The following ZNF469 variants were observed in gnomAD, a reference collection of about 807,000 sequenced individuals.
ZNF469 encodes zinc finger protein 469.
In ZNF469, 1 loss-of-function variant was observed where a neutral mutation model predicts 1.0. That is an observed-to-expected ratio of 1.00 (90% CI 0.35 to 4.73). ZNF469 has a LOEUF of 4.73. Ranked by LOEUF, ZNF469 falls within the 30% of genes most tolerant of loss-of-function variation. ZNF469 has a pLI of 0.16. For synonymous variants in ZNF469, 2,703 were observed against 2,363.4 expected (o/e 1.14, Z -4.17); for missense variants, 6,100 against 5,356.3 (o/e 1.14, Z -4.33).
the ZNF469 span, among the ~76,000 whole-genome samples, chr16:88,366,899 A>G: frequency 6.6e-6 from 1 of 152,136 alleles, no homozygotes; most frequent in Non-Finnish European, 1.5e-5. Flanking sequence ...CGTCATCATC[A>G]CCAAGACCAT....
At chr16:88,301,097 G>T in the ZNF469 span, among the ~76,000 whole-genome samples, 5 of 152,026 alleles carry the variant, frequency 3.3e-5, no homozygotes, top group African/African-American at 1.2e-4. Context: ...AACTAAAGCC[G>T]TTGGGAGCGT....
At chr16:88,416,306 C>T (rs756498003) in intron 1 of ZNF469, among the ~76,000 whole-genome samples, 39 of 152,286 alleles carry the variant, frequency 2.6e-4, no homozygotes, top group Non-Finnish European at 4.4e-4. Context: ...GGCCACTTGA[C>T]GGCACAGGGG....
chr16:88,439,648 G>A lies in ZNF469; in HGVS notation c.*316G>A. On this transcript the variant is annotated 3_prime_UTR_variant, in exon 3 of 3. Coordinates refer to ENST00000565624, the MANE Select transcript of ZNF469 (RefSeq NM_001367624.2). ...CCCTCAGCCCACACCCCTGCGCCCT[G>A]TGGGCACCGACACCACAGAAGCCAA... 1 of 387,064 alleles carries A rather than the reference G, an allele frequency of 2.6e-6. No homozygotes were observed. 24.0% of individuals were successfully genotyped at this position (387,064 alleles called of 1,614,324 possible). A position where few individuals can be genotyped will look rare whatever the true frequency, so the allele number is the denominator to read the frequency against.
At chr16:88,405,825 G>A (rs1157273770) in intron 1 of ZNF469, among the ~76,000 whole-genome samples, 1 of 152,176 alleles carries the variant, frequency 6.6e-6, no homozygotes, top group Admixed American at 6.5e-5. Flanking sequence ...GGCCAGAAAC[G>A]CCTCCAGCCC....
chr16:88,231,415 G>A, the ZNF469 span, among the ~76,000 whole-genome samples: 12 of 152,252 alleles, frequency 7.9e-5, no homozygotes, highest in African/African-American at 2.7e-4. This position sits in a 1 kb window ranked among gnomAD's most constrained non-coding sequence, Gnocchi z 4.5. Flanking sequence ...AATCCACAGA[G>A]GACAGGTGTG....
At position 88,432,105 on chromosome 16, in the gene ZNF469, G is replaced by T; in HGVS notation, c.4635G>T (p.Lys1545Asn). 6.4e-7 allele frequency: 1 copy of T among 1,550,542 alleles called. No individual in the cohort carries two copies. Among genetic ancestry groups the T allele is most frequent in the Non-Finnish European group, 8.7e-7 (1 of 1,147,026 alleles). Residue 1545 changes from lysine (K) to asparagine (N), a missense_variant, in exon 3 of 3, where the codon AAG (lysine) becomes AAT (asparagine). Physicochemically the swap from Lys to Asn is moderately conservative, Grantham distance 94. Coordinates refer to ENST00000565624, the MANE Select transcript of ZNF469 (RefSeq NM_001367624.2). ...GCGCCGCCCCATCTTTGCCTGGGAA[G>T]GGGAGTGGATGTAGCGTTGCTCTTA... The part of the protein sequence containing the change: ...VPGAAPSLPG[K>N]GSGCSVALMS...
At chr16:88,349,852 AGTGCAC>A in the ZNF469 span, among the ~76,000 whole-genome samples, 129 of 862 alleles carry the variant, frequency 0.15, no homozygotes, top group East Asian at 0.21. Context: ...ACCACACACA[AGTGCAC>A]ACACACCATG....
chr16:88,251,933 C>T, the ZNF469 span, among the ~76,000 whole-genome samples: 3 of 151,054 alleles, frequency 2.0e-5, no homozygotes, highest in Non-Finnish European at 3.0e-5. Flanking sequence ...ACCTGTGCAA[C>T]GGGGCAGGCA....
At chr16:88,252,903 T>C in the ZNF469 span, among the ~76,000 whole-genome samples, 2 of 152,242 alleles carry the variant, frequency 1.3e-5, no homozygotes, top group Admixed American at 6.5e-5. Flanking sequence ...TTTGAATCTC[T>C]ATAGCCTGCG....
At chr16:88,341,618 C>G in the ZNF469 span, among the ~76,000 whole-genome samples, 1 of 152,208 alleles carries the variant, frequency 6.6e-6, no homozygotes, top group African/African-American at 2.4e-5. Context: ...TGGGACGGAG[C>G]CAGGGTGGCA....
chr16:88,251,651 C>T, the ZNF469 span, among the ~76,000 whole-genome samples: 5 of 144,034 alleles, frequency 3.5e-5, no homozygotes, highest in African/African-American at 5.2e-5. Flanking sequence ...CTCCACCTCC[C>T]GGGTTCAAGC....
At chr16:88,251,538 C>CTTTTTTTTTTTTTTTTT in the ZNF469 span, among the ~76,000 whole-genome samples, 5 of 51,288 alleles carry the variant, frequency 9.7e-5, 1 homozygote, top group Non-Finnish European at 1.6e-4. Context: ...TCCCTGCTGT[C>CTTTTTTTTTTTTTTTTT]TTTTTTTTTT....
At chr16:88,197,794 G>A in the ZNF469 span, among the ~76,000 whole-genome samples, 1 of 152,192 alleles carries the variant, frequency 6.6e-6, no homozygotes, top group African/African-American at 2.4e-5. Context: ...GCTGCTGGTG[G>A]GAGGCCGTGG....
At chr16:88,380,497 GCACTCA>G (rs1761008358), upstream of ZNF469, among the ~76,000 whole-genome samples, 1 of 62,762 alleles carries the variant, frequency 1.6e-5, no homozygotes, top group African/African-American at 2.2e-4. Flanking sequence ...ACACACACAT[GCACTCA>G]CACAGACATG....
chr16:88,367,636 G>T, the ZNF469 span, among the ~76,000 whole-genome samples: 1 of 152,204 alleles, frequency 6.6e-6, no homozygotes, highest in Non-Finnish European at 1.5e-5. Context: ...GTGTTTGTGT[G>T]AGTGTTCTGT....
intron 1 of ZNF469, among the ~76,000 whole-genome samples, chr16:88,422,418 T>G (rs1597202439): frequency 1.2e-5 from 1 of 85,452 alleles, no homozygotes; most frequent in Admixed American, 1.8e-4. Flanking sequence ...GGTGGACAAA[T>G]GGTAAAAGGG....
the ZNF469 span, among the ~76,000 whole-genome samples, chr16:88,245,781 C>T: frequency 6.6e-6 from 1 of 152,264 alleles, no homozygotes; most frequent in African/African-American, 2.4e-5. Context: ...GCTCTGGGAA[C>T]TCTCCATGCA....
At chr16:88,370,805 C>T in the ZNF469 span, among the ~76,000 whole-genome samples, 29 of 152,202 alleles carry the variant, frequency 1.9e-4, no homozygotes, top group African/African-American at 6.3e-4. Context: ...CTCTCTCCAT[C>T]CCTTGAAGTT....
the ZNF469 span, among the ~76,000 whole-genome samples, chr16:88,127,112 C>A: frequency 6.6e-6 from 1 of 152,138 alleles, no homozygotes; most frequent in African/African-American, 2.4e-5. Context: ...TGTGAGCCAC[C>A]ACGCCCGGCC....
Sources: gnomAD v4.1 joint callset for allele counts (sites outside exome capture counted in the v4.1 genomes callset) on GRCh38, gnomAD v4.1.1 for gene constraint, Gnocchi (gnomAD v3.1) non-coding constraint, MANE v1.5 for transcripts, NCBI Gene and HGNC (gene_info 2026-07-23, HGNC 2026-07-21) for gene names.